The following KEL variants were observed in gnomAD, a reference collection of about 807,000 sequenced individuals.
KEL encodes kell blood group glycoprotein.
Under a neutral mutation model 99.5 loss-of-function variants are expected in KEL, and 96 were observed. The ratio of observed to expected loss-of-function variants is 0.97; its 90% CI spans 0.82 to 1.14. The LOEUF (loss-of-function observed/expected upper bound fraction) is 1.14. Among genes scored for constraint, KEL ranks in the 50% most tolerant of loss-of-function variants. The pLI, the probability that KEL is intolerant of heterozygous loss-of-function variation, is 0.00. For synonymous variants in KEL, 355 were observed against 354.8 expected (o/e 1.00, Z -0.01); for missense variants, 926 against 924.2 (o/e 1.00, Z -0.03).
chr7:142,944,094 A>T (rs1423000655), intron 13 of KEL, among the ~76,000 whole-genome samples: 1 of 152,206 alleles, frequency 6.6e-6, no homozygotes, highest in Non-Finnish European at 1.5e-5. Flanking sequence ...GACAAGTCAC[A>T]GGATGCATGC....
At position 142,946,103 on chromosome 7, in the gene KEL, C is replaced by G. The variant is rs184354276; in HGVS notation, c.1314+104G>C. The G allele has an allele frequency of 5.3e-4, 440 of 824,230 alleles. 6 individuals are homozygous for G. In the Admixed American group the frequency reaches 8.5e-3, roughly 16 times the overall value. The allele number at this position is 824,230 out of a possible 1,614,324, so 51.1% of individuals were successfully genotyped here. A position where few individuals can be genotyped will look rare whatever the true frequency, so the allele number is the denominator to read the frequency against. On this transcript the variant is annotated intron_variant, in intron 11 of 18. Coordinates refer to ENST00000355265, the MANE Select transcript of KEL (RefSeq NM_000420.3). ...GGCCCTTCTCTGACTGCCCAATTCC[C>G]CAATCACACACACCACTGAGAAAGT...
In KEL at chr7:142,954,306, C is replaced by T; in HGVS notation, c.802G>A (p.Val268Met). 6.2e-7 allele frequency: 1 copy of T among 1,614,120 alleles called. No individual in the cohort carries two copies. Among genetic ancestry groups the T allele is most frequent in the East Asian group, 2.2e-5 (1 of 44,882 alleles). Reference sequence around the variant, plus strand: ...ATTGACAAGGAAGAGTGTTCTTGCACCTTGCTTGGGTCTCCTCCCAGCAAG... The same window carrying T: ...ATTGACAAGGAAGAGTGTTCTTGCATCTTGCTTGGGTCTCCTCCCAGCAAG... ...GTLLGGDPSK[V>M]QEHSSLSISI... The change falls in exon 8 of 19, where the codon GTG (valine) becomes ATG (methionine). Residue 268 changes from valine to methionine, a missense_variant. Physicochemically the swap from Val to Met is conservative, Grantham distance 21. Transcript: ENST00000355265.
Position 142,943,214 on chromosome 7 carries a change from T to A in KEL, c.1771+62A>T, listed in dbSNP as rs1348812266. ...ATAACCTCCCTTTCCCCTCCAGGCC[T>A]CCCTTGTGGTCTTCCCTTAGGTTCC... is the stretch of plus-strand genomic sequence containing the variant. On this transcript the variant is annotated intron_variant, in intron 16 of 18. Coordinates refer to ENST00000355265, the MANE Select transcript of KEL (RefSeq NM_000420.3). The A allele has an allele frequency of 8.2e-6, 13 of 1,589,542 alleles. No homozygotes were observed. In the East Asian group the frequency reaches 1.3e-4, roughly 16 times the overall value.
chr7:142,960,696 G>A (rs1285999643), intron 4 of KEL, among the ~76,000 whole-genome samples: 1 of 151,506 alleles, frequency 6.6e-6, no homozygotes, highest in Non-Finnish European at 1.5e-5. Context: ...AACGGAAGAA[G>A]GGTACCCAAG....
chr7:142,959,634 A>C (rs1796907412), intron 4 of KEL, among the ~76,000 whole-genome samples: 1 of 151,944 alleles, frequency 6.6e-6, no homozygotes, highest in Admixed American at 6.6e-5. Flanking sequence ...ACAGGGGAAG[A>C]CTCTTCTAGT....
At position 142,943,796 on chromosome 7, in the gene KEL, G is replaced by A. The variant is rs777537357; in HGVS notation, c.1579C>T (p.His527Tyr). 8.7e-6 allele frequency: 14 copies of A among 1,614,044 alleles called. 1 individual carries two copies. The South Asian group carries it at 1.4e-4, about 16-fold the overall frequency. The change falls in exon 14 of 19, where the codon CAC becomes TAC. Residue 527 changes from histidine to tyrosine, a missense_variant. Physicochemically the swap from His to Tyr is moderately conservative, Grantham distance 83. Transcript: ENST00000355265. ...ARIVQSFLQP[H>Y]PQHRWKVSPW... is the part of the protein sequence containing the mutation. ...CTGCTGTCATACCTGTGTTGGGGGTGAGGCTGCAAGAAGCTCTGGACAATT... is the reference window on the plus strand; with the variant it reads ...CTGCTGTCATACCTGTGTTGGGGGTAAGGCTGCAAGAAGCTCTGGACAATT...
chr7:142,954,392 G>A lies in KEL; in HGVS notation c.736-20C>T, dbSNP rs1796774099. ...AAAGATCTGGAGGAAGGAAATGTCA[G>A]TCACAGGTGCCAGAGGTCCCTGCTT... On this transcript the variant is annotated intron_variant, in intron 7 of 18. Coordinates refer to ENST00000355265, the MANE Select transcript of KEL (RefSeq NM_000420.3). 6.2e-7 allele frequency: 1 copy of A among 1,613,958 alleles called. No homozygotes were observed.
intron 1 of KEL, 142 bp from the exon 2 acceptor site, chr7:142,962,014 C>T (rs1289652936): frequency 1.2e-6 from 2 of 1,609,868 alleles, no homozygotes; most frequent in Non-Finnish European, 8.5e-7. Flanking sequence ...GCAGTGTTCC[C>T]AGATGGGCTT....
chr7:142,942,401 A>C, intron 18 of KEL, 33 bp downstream of exon 18: 3 of 1,489,306 alleles, frequency 2.0e-6, no homozygotes, highest in Non-Finnish European at 2.8e-6. Flanking sequence ...ACTGACATAA[A>C]GCAAGCTGTG....
intron 10 of KEL, among the ~76,000 whole-genome samples, chr7:142,947,250 C>A (rs1796556445): frequency 6.6e-6 from 1 of 152,156 alleles, no homozygotes; most frequent in South Asian, 2.1e-4. Flanking sequence ...TTGGGTTAGG[C>A]AGGATGAAGC....
Position 142,941,242 on chromosome 7 carries a change from G to T in KEL, c.*10C>A, listed in dbSNP as rs779263315. On this transcript the variant is annotated 3_prime_UTR_variant, in exon 19 of 19. Transcript: ENST00000355265. ...GATATTTCTGTGCTGTGGCATCTTT[G>T]GTAACCAAGTTACCAGAGCTGGCAG... 5 of 1,613,844 alleles carry T rather than the reference G, an allele frequency of 3.1e-6. No homozygotes were observed. Among genetic ancestry groups the T allele is most frequent in the African/African-American group, 2.7e-5 (2 of 74,878 alleles).
At chr7:142,951,055 A>T (rs1040705874) in intron 10 of KEL, among the ~76,000 whole-genome samples, 2 of 152,236 alleles carry the variant, frequency 1.3e-5, no homozygotes, top group African/African-American at 4.8e-5. Context: ...TATCATTATT[A>T]TTAAGTGCCA....
intron 10 of KEL, among the ~76,000 whole-genome samples, chr7:142,948,855 G>C (rs939018228): frequency 4.6e-5 from 7 of 151,624 alleles, no homozygotes; most frequent in African/African-American, 1.7e-4. Context: ...ACAGTCAGTT[G>C]TTGCCACAGG....
At chr7:142,944,008 G>C in intron 13 of KEL, 125 bp from the exon 14 acceptor site, 3 of 787,350 alleles carry the variant, frequency 3.8e-6, no homozygotes, top group Non-Finnish European at 6.6e-6. Flanking sequence ...CAGGGATTAG[G>C]AGAGAGCAGC....
Position 142,958,309 on chromosome 7 carries a change from C to CA in KEL, c.519dup (p.Glu174Ter). ...AATATCCCAACTTTTCTCACCTCCT[C>CA]AATAACTTGTCTGAGGGGACCAGTC... On this transcript the variant is annotated frameshift_variant, in exon 5 of 19. Coordinates refer to ENST00000355265, the MANE Select transcript of KEL (RefSeq NM_000420.3). LOFTEE classifies it high-confidence loss of function. 1 of 1,614,164 alleles carries CA rather than the reference C, an allele frequency of 6.2e-7. No homozygotes were observed. The highest frequency in any genetic ancestry group is 8.5e-7 in the Non-Finnish European group (1 of 1,180,032).
Position 142,943,282 on chromosome 7 carries a change from G to C in KEL, c.1765C>G (p.Gln589Glu), listed in dbSNP as rs995695928. ...AGTGGCCCCTGTTACCCACAGAGCT[G>C]GTAGAAGATGTGCAACAGCTCGTGG... Reference protein sequence around the residue: ...MAHELLHIFYQLLLPGGCLAC... With the variant: ...MAHELLHIFYELLLPGGCLAC... The change falls in exon 16 of 19, where the codon CAG (glutamine) becomes GAG (glutamate). Residue 589 changes from glutamine to glutamate, a missense_variant. Gln to Glu is a conservative substitution (Grantham distance 29). Transcript: ENST00000355265. The C allele has an allele frequency of 5.6e-6, 9 of 1,613,712 alleles. No homozygotes were observed. The highest frequency in any genetic ancestry group is 1.1e-5 in the South Asian group (1 of 90,964).
intron 17 of KEL, 32 bp from the exon 18 acceptor site, chr7:142,942,561 G>C (rs566187145): frequency 6.6e-7 from 1 of 1,507,968 alleles, no homozygotes; most frequent in Non-Finnish European, 9.1e-7. Flanking sequence ...AGGGCCATCA[G>C]GCTCTAGACC....
At chr7:142,952,424 G>C in intron 10 of KEL, 85 bp downstream of exon 10, 1 of 1,542,236 alleles carries the variant, frequency 6.5e-7, no homozygotes, top group Admixed American at 1.7e-5. Flanking sequence ...CCCCCTCCCT[G>C]AGAGAGAGAT....
At position 142,946,236 on chromosome 7, in the gene KEL, C is replaced by CA. The variant is rs1796523264; in HGVS notation, c.1284dup (p.Glu429Ter). ...CTTCGGGTGCTCGGGCCAAAGGCCTCACGAACAAACAAAGCCGCCAGCGTG... is the reference window on the plus strand; with the variant it reads ...CTTCGGGTGCTCGGGCCAAAGGCCTCAACGAACAAACAAAGCCGCCAGCGTG... On this transcript the variant is annotated frameshift_variant, in exon 11 of 19. Transcript: ENST00000355265. LOFTEE classifies it high-confidence loss of function. The CA allele has an allele frequency of 6.2e-7, 1 of 1,614,042 alleles. No homozygotes were observed. The highest frequency in any genetic ancestry group is 1.3e-5 in the African/African-American group (1 of 75,042).
Sources: allele counts gnomAD v4.1 joint callset (sites outside exome capture counted in the v4.1 genomes callset), GRCh38; gene constraint gnomAD v4.1.1; transcripts MANE v1.5; gene names NCBI Gene and HGNC (gene_info 2026-07-23, HGNC 2026-07-21).